The following MEX3A variants were observed in gnomAD, a reference collection of about 807,000 sequenced individuals.
The protein encoded by MEX3A is RNA-binding protein MEX3A.
Under a neutral mutation model 30.0 loss-of-function variants are expected in MEX3A, and 4 were observed. That is an observed-to-expected ratio of 0.13 (90% CI 0.07 to 0.30). The LOEUF is 0.30. MEX3A is among the 10% of genes least tolerant of loss of function. The pLI is 1.00. For synonymous variants in MEX3A, 335 were observed against 327.6 expected (o/e 1.02, Z -0.24); for missense variants, 555 against 736.7 (o/e 0.75, Z 2.86).
chr1:156,077,089 C>T lies in MEX3A; in HGVS notation c.1048G>A (p.Gly350Ser), dbSNP rs370098754. ...GCIGECGVDSGFEAPRLGEQG... is the reference protein window; with the variant it reads ...GCIGECGVDSSFEAPRLGEQG... Reference sequence around the variant, plus strand: ...TCACCCAGGCGTGGGGCCTCAAAGCCAGAGTCCACTCCGCACTCGCCGATG... The same window carrying T: ...TCACCCAGGCGTGGGGCCTCAAAGCTAGAGTCCACTCCGCACTCGCCGATG... The change falls in exon 2 of 2, where the codon GGC becomes AGC. Residue 350 changes from glycine (G) to serine (S), a missense_variant. Physicochemically the swap from Gly to Ser is moderately conservative, Grantham distance 56 (BLOSUM62 0). Coordinates refer to ENST00000532414, the MANE Select transcript of MEX3A (RefSeq NM_001093725.2). This position sits in a 1 kb window ranked among gnomAD's most constrained non-coding sequence, Gnocchi z 8.3. The T allele has an allele frequency of 1.2e-6, 2 of 1,613,804 alleles. No homozygotes were observed. The highest frequency in any genetic ancestry group is 2.7e-5 in the African/African-American group (2 of 74,948).
intron 1 of MEX3A, among the ~76,000 whole-genome samples, chr1:156,079,222 G>T (rs1572299928): frequency 1.4e-5 from 2 of 145,378 alleles, no homozygotes; most frequent in Non-Finnish European, 3.1e-5. Flanking sequence ...TTTTTTGTTT[G>T]TTTTTTTTTG....
chr1:156,080,094 A>G (rs1293040012), intron 1 of MEX3A, among the ~76,000 whole-genome samples: 2 of 152,176 alleles, frequency 1.3e-5, no homozygotes, highest in African/African-American at 2.4e-5. Flanking sequence ...AGCCCATCTG[A>G]TGCGGAGGCA....
rs767231175 is a variant in MEX3A at position 156,077,180 on chromosome 1, G to A, written c.957C>T (p.Asp319=). 1.2e-6 allele frequency: 2 copies of A among 1,613,452 alleles called. No individual in the cohort carries two copies. Among genetic ancestry groups the A allele is most frequent in the South Asian group, 1.1e-5 (1 of 91,082 alleles). Residue 319 remains aspartate (D), a synonymous_variant, in exon 2 of 2, where the codon GAC becomes GAT. Coordinates refer to ENST00000532414, the MANE Select transcript of MEX3A (RefSeq NM_001093725.2). The surrounding 1 kb of genome is among the most constrained non-coding windows in gnomAD (Gnocchi z 8.3). Reference sequence around the variant, plus strand: ...AGCCGGGCTGGTGCACCCGCCAGGCGTCGGAGTAGCGGCTATCGATTGCTG... The same window carrying A: ...AGCCGGGCTGGTGCACCCGCCAGGCATCGGAGTAGCGGCTATCGATTGCTG... ...PDAAIDSRYS[D]AWRVHQPGCK... is the part of the protein sequence containing the mutation.
In MEX3A at chr1:156,073,094, C is replaced by A. The variant is rs1442957462; in HGVS notation, c.*3480G>T. 2 of 152,616 alleles carry A rather than the reference C, an allele frequency of 1.3e-5. No homozygotes were observed. Among genetic ancestry groups the A allele is most frequent in the African/African-American group, 4.8e-5 (2 of 41,426 alleles). 9.5% of individuals were successfully genotyped at this position (152,616 alleles called of 1,614,324 possible). ...TCTGTTTGTGGAATGACTTCCCAGGCTCTTAAATCAATCTGTAGAGAAGTG... is the reference window on the plus strand; with the variant it reads ...TCTGTTTGTGGAATGACTTCCCAGGATCTTAAATCAATCTGTAGAGAAGTG... On this transcript the variant is annotated 3_prime_UTR_variant, in exon 2 of 2. Coordinates refer to ENST00000532414, the MANE Select transcript of MEX3A (RefSeq NM_001093725.2).
rs566378661 is a variant in MEX3A at position 156,072,298 on chromosome 1, C to G, written c.*4276G>C. 1.1e-4 allele frequency: 17 copies of G among 152,748 alleles called. No homozygotes were observed. Among genetic ancestry groups the G allele is most frequent in the African/African-American group, 2.4e-4 (10 of 41,548 alleles). The allele number at this position is 152,748 out of a possible 1,614,324, so 9.5% of individuals were successfully genotyped here. On this transcript the variant is annotated 3_prime_UTR_variant, in exon 2 of 2. Transcript: ENST00000532414. ...CCCAGGGCTGTCTCCACCCACCCCC[C>G]CTTCCCCACCCGCACCCTCGAGTGG...
At chr1:156,078,660 C>T (rs1572299646) in intron 1 of MEX3A, among the ~76,000 whole-genome samples, 1 of 152,136 alleles carries the variant, frequency 6.6e-6, no homozygotes, top group South Asian at 2.1e-4. Flanking sequence ...AGCTGCCGAC[C>T]TGGGGGTCTG....
In MEX3A at chr1:156,075,595, GGA is replaced by G. The variant is rs1648033651; in HGVS notation, c.*977_*978del. The G allele has an allele frequency of 6.5e-6, 1 of 152,802 alleles. No homozygotes were observed. Among genetic ancestry groups the G allele is most frequent in the Non-Finnish European group, 1.5e-5 (1 of 68,062 alleles). 9.5% of individuals were successfully genotyped at this position (152,802 alleles called of 1,614,324 possible). On this transcript the variant is annotated 3_prime_UTR_variant, in exon 2 of 2. Transcript: ENST00000532414. The stretch of plus-strand genomic sequence containing the variant: ...TGAGATGTTTCTTTGGAGGAGTGGG[GGA>G]GAGGGCCTCCAGATGCCTGAAGAGG...
At chr1:156,079,424 C>T (rs1407885357) in intron 1 of MEX3A, among the ~76,000 whole-genome samples, 1 of 152,100 alleles carries the variant, frequency 6.6e-6, no homozygotes, top group African/African-American at 2.4e-5. Flanking sequence ...CCACGTTGGC[C>T]AGGCTGGTCT....
intron 1 of MEX3A, among the ~76,000 whole-genome samples, chr1:156,079,342 T>C (rs1648157284): frequency 6.6e-6 from 1 of 151,994 alleles, no homozygotes; most frequent in African/African-American, 2.4e-5. Context: ...GCCTCCCGAG[T>C]AGCTGGGATC....
rs886676456 is a variant in MEX3A, at chr1:156,072,717, T to C, written c.*3857A>G. The C allele has an allele frequency of 1.3e-5, 2 of 152,718 alleles. No homozygotes were observed. Among genetic ancestry groups the C allele is most frequent in the Non-Finnish European group, 1.5e-5 (1 of 68,036 alleles). 9.5% of individuals were successfully genotyped at this position (152,718 alleles called of 1,614,324 possible). On this transcript the variant is annotated 3_prime_UTR_variant, in exon 2 of 2. Transcript: ENST00000532414. Reference sequence around the variant, plus strand: ...TAGATGACCCCTACCTGAACACATATAGATGGAGGTGAACTGGAGCAGAGG... The same window carrying C: ...TAGATGACCCCTACCTGAACACATACAGATGGAGGTGAACTGGAGCAGAGG...
rs889915018 is a variant in MEX3A, at chr1:156,077,940, C to G, written c.455-258G>C. Among the ~76,000 whole-genome samples, 7 of 152,120 alleles carry G rather than the reference C, an allele frequency of 4.6e-5. No homozygotes were observed. The highest frequency in any genetic ancestry group is 1.0e-4 in the Non-Finnish European group (7 of 68,010). ...CTTTCCCTGAGTTCCATTCAGGGCC[C>G]TCCAAATTCATTCACTCCTCAAAAC... is the stretch of plus-strand genomic sequence containing the variant. On this transcript the variant is annotated intron_variant, in intron 1 of 1. Coordinates refer to ENST00000532414, the MANE Select transcript of MEX3A (RefSeq NM_001093725.2). The surrounding 1 kb of genome is among the most constrained non-coding windows in gnomAD (Gnocchi z 8.3).
At chr1:156,079,258 G>A (rs1454987665) in intron 1 of MEX3A, among the ~76,000 whole-genome samples, 1 of 151,838 alleles carries the variant, frequency 6.6e-6, no homozygotes, top group African/African-American at 2.4e-5. Flanking sequence ...CTGTCACCCA[G>A]GCTGGAGTGC....
In MEX3A at chr1:156,076,238, T is replaced by TA; in HGVS notation, c.*335_*336insT. ...GTGGAGTGACACACAGCGGGGGAGGTGGGCAGAGGGCGTCAGAATGCCTTA... is the reference window on the plus strand; with the variant it reads ...GTGGAGTGACACACAGCGGGGGAGGTAGGGCAGAGGGCGTCAGAATGCCTTA... On this transcript the variant is annotated 3_prime_UTR_variant, in exon 2 of 2. Coordinates refer to ENST00000532414, the MANE Select transcript of MEX3A (RefSeq NM_001093725.2). This position sits in a 1 kb window ranked among gnomAD's most constrained non-coding sequence, Gnocchi z 6.0. The TA allele has an allele frequency of 4.8e-6, 1 of 210,062 alleles. No individual in the cohort carries two copies. The highest frequency in any genetic ancestry group is 5.6e-5 in the Admixed American group (1 of 17,774). 13.0% of individuals were successfully genotyped at this position (210,062 alleles called of 1,614,324 possible). A position where few individuals can be genotyped will look rare whatever the true frequency, so the allele number is the denominator to read the frequency against.
chr1:156,081,836 C>G lies in MEX3A; in HGVS notation c.163G>C (p.Ala55Pro). Residue 55 changes from alanine (A) to proline (P), a missense_variant, in exon 1 of 2, where the codon GCC becomes CCC. Ala to Pro is a conservative substitution (Grantham distance 27). This residue lies in a region of MEX3A where 159 missense variants were observed against 159.9 expected (regional missense o/e 0.99). Coordinates refer to ENST00000532414, the MANE Select transcript of MEX3A (RefSeq NM_001093725.2). Reference sequence around the variant, plus strand: ...CCCCCGTCCTCGCCCGCCGTGGGGGCGGGGGGCTCCCCCAAACCCAGGAGG... The same window carrying G: ...CCCCCGTCCTCGCCCGCCGTGGGGGGGGGGGGCTCCCCCAAACCCAGGAGG... ...LCLLGLGEPP[A>P]PTAGEDGGGG... The G allele has an allele frequency of 1.5e-6, 2 of 1,361,074 alleles. No homozygotes were observed. Among genetic ancestry groups the G allele is most frequent in the Non-Finnish European group, 1.9e-6 (2 of 1,040,296 alleles). The allele number at this position is 1,361,074 out of a possible 1,614,324, so 84.3% of individuals were successfully genotyped here.
rs752735935 is a variant in MEX3A, at chr1:156,077,505, C to G, written c.632G>C (p.Gly211Ala). Residue 211 changes from glycine (G) to alanine (A), a missense_variant, in exon 2 of 2, where the codon GGC becomes GCC. Gly to Ala is a moderately conservative substitution (Grantham distance 60). This residue lies in a region of MEX3A where 35 missense variants were observed against 44.1 expected (regional missense o/e 0.79). Coordinates refer to ENST00000532414, the MANE Select transcript of MEX3A (RefSeq NM_001093725.2). This position sits in a 1 kb window ranked among gnomAD's most constrained non-coding sequence, Gnocchi z 8.3. ...SMIRASRNKSGAAFGVAPALP... is the reference protein window; with the variant it reads ...SMIRASRNKSAAAFGVAPALP... ...AGCAGGAGCCACACCAAAGGCGGCG[C>G]CTGACTTGTTGCGGGAGGCACGGAT... 2 of 1,612,956 alleles carry G rather than the reference C, an allele frequency of 1.2e-6. No homozygotes were observed. The highest frequency in any genetic ancestry group is 2.7e-5 in the African/African-American group (2 of 74,922).
At chr1:156,080,837 C>T (rs188459590) in intron 1 of MEX3A, among the ~76,000 whole-genome samples, 217 of 152,128 alleles carry the variant, frequency 1.4e-3, no homozygotes, top group African/African-American at 4.8e-3. Flanking sequence ...AGGCCTCTGG[C>T]CCAAGGCCGT....
At position 156,076,366 on chromosome 1, in the gene MEX3A, C is replaced by A; in HGVS notation, c.*208G>T. On this transcript the variant is annotated 3_prime_UTR_variant, in exon 2 of 2. Coordinates refer to ENST00000532414, the MANE Select transcript of MEX3A (RefSeq NM_001093725.2). The surrounding 1 kb of genome is among the most constrained non-coding windows in gnomAD (Gnocchi z 6.0). ...ACTCTAGTAAAATTTTCAGTCTGGCCCCCTCCCAATCTTTCCAGGACAGGG... is the reference window on the plus strand; with the variant it reads ...ACTCTAGTAAAATTTTCAGTCTGGCACCCTCCCAATCTTTCCAGGACAGGG... The A allele has an allele frequency of 3.9e-6, 2 of 508,758 alleles. 1 individual carries two copies. Among genetic ancestry groups the A allele is most frequent in the South Asian group, 7.1e-5 (2 of 28,164 alleles). 31.5% of individuals were successfully genotyped at this position (508,758 alleles called of 1,614,324 possible). A position where few individuals can be genotyped will look rare whatever the true frequency, so the allele number is the denominator to read the frequency against.
At position 156,076,384 on chromosome 1, in the gene MEX3A, G is replaced by T; in HGVS notation, c.*190C>A. On this transcript the variant is annotated 3_prime_UTR_variant, in exon 2 of 2. Transcript: ENST00000532414. The surrounding 1 kb of genome is among the most constrained non-coding windows in gnomAD (Gnocchi z 6.0). ...GTCTGGCCCCCTCCCAATCTTTCCA[G>T]GACAGGGTGACCAGAGGCTCTGAAA... is the stretch of plus-strand genomic sequence containing the variant. The T allele has an allele frequency of 1.7e-6, 1 of 586,430 alleles. No individual in the cohort carries two copies. Among genetic ancestry groups the T allele is most frequent in the Non-Finnish European group, 2.9e-6 (1 of 345,250 alleles). 36.3% of individuals were successfully genotyped at this position (586,430 alleles called of 1,614,324 possible). A position where few individuals can be genotyped will look rare whatever the true frequency, so the allele number is the denominator to read the frequency against.
rs1647998737 is a variant in MEX3A, at chr1:156,074,333, C to A, written c.*2241G>T. The A allele has an allele frequency of 6.6e-6, 1 of 150,644 alleles. No homozygotes were observed. Among genetic ancestry groups the A allele is most frequent in the East Asian group, 1.9e-4 (1 of 5,162 alleles). The allele number at this position is 150,644 out of a possible 1,614,324, so 9.3% of individuals were successfully genotyped here. A position where few individuals can be genotyped will look rare whatever the true frequency, so the allele number is the denominator to read the frequency against. On this transcript the variant is annotated 3_prime_UTR_variant, in exon 2 of 2. Transcript: ENST00000532414. The stretch of plus-strand genomic sequence containing the variant: ...AAAGTCTTTTTTTTTCATATTAGCC[C>A]AGGTTCTTTGCTACATTTATATGGT...
Sources: allele counts gnomAD v4.1 joint callset (sites outside exome capture counted in the v4.1 genomes callset), GRCh38; gene constraint gnomAD v4.1.1; regional missense constraint gnomAD v4.1.1; non-coding constraint Gnocchi (gnomAD v3.1); transcripts MANE v1.5; gene names NCBI Gene and HGNC (gene_info 2026-07-23, HGNC 2026-07-21).